Variants in LCOR observed in about 807,000 individuals in gnomAD.
LCOR encodes the protein ligand-dependent corepressor.
LCOR carries 14 observed loss-of-function variants against 64.4 expected under a neutral mutation model. That is an observed-to-expected ratio of 0.22 (90% CI 0.14 to 0.34). The LOEUF (loss-of-function observed/expected upper bound fraction) is 0.34, where lower values mean the gene tolerates loss of function less well. LCOR is among the 10% of genes least tolerant of loss of function. The pLI is 1.00. For synonymous variants in LCOR, 643 were observed against 642.5 expected, an observed-to-expected ratio of 1.00 and a Z score of -0.01; for missense variants, 1,686 against 1,765.3, an observed-to-expected ratio of 0.96 and a Z score of 0.80.
At chr10:96,940,303 A>ATTT (rs552752409) in intron 4 of LCOR, among the ~76,000 whole-genome samples, 222 of 65,434 alleles carry the variant, frequency 3.4e-3, no homozygotes, top group Non-Finnish European at 4.3e-3. Context: ...GGTGGTCATG[A>ATTT]TTTTTTTTTT....
intron 2 of LCOR, among the ~76,000 whole-genome samples, chr10:96,844,109 C>T (rs1449947407): frequency 2.2e-5 from 2 of 92,326 alleles, no homozygotes; most frequent in Non-Finnish European, 4.1e-5. Flanking sequence ...CCCTCCCTTC[C>T]TTCCCCCCTC....
At chr10:96,936,796 C>G (rs1847358002) in intron 4 of LCOR, among the ~76,000 whole-genome samples, 1 of 149,162 alleles carries the variant, frequency 6.7e-6, no homozygotes, top group Non-Finnish European at 1.5e-5. Context: ...AAGGGGGATG[C>G]CTGAAACTAC....
chr10:96,903,187 T>C (rs543414993), intron 2 of LCOR, among the ~76,000 whole-genome samples: 26 of 152,096 alleles, frequency 1.7e-4, no homozygotes, highest in Non-Finnish European at 3.4e-4. Flanking sequence ...GAGTAAGTGG[T>C]AAGGGAACAA....
intron 2 of LCOR, among the ~76,000 whole-genome samples, chr10:96,838,092 C>G (rs182508094): frequency 2.6e-5 from 4 of 152,244 alleles, no homozygotes; most frequent in Admixed American, 6.5e-5. Flanking sequence ...GGGTAAAAAT[C>G]CAATATAAAC....
intron 2 of LCOR, among the ~76,000 whole-genome samples, chr10:96,881,418 T>G (rs535329235): frequency 4.6e-5 from 7 of 152,178 alleles, no homozygotes; most frequent in African/African-American, 1.7e-4. Flanking sequence ...AGATATCAAG[T>G]CCTGGCTTTG....
chr10:96,899,033 G>T (rs1259195940), intron 2 of LCOR, among the ~76,000 whole-genome samples: 1 of 152,088 alleles, frequency 6.6e-6, no homozygotes, highest in Non-Finnish European at 1.5e-5. Context: ...GTGACTAACC[G>T]AGGTCTCTAT....
At chr10:96,934,325 G>A (rs777731181) in intron 4 of LCOR, among the ~76,000 whole-genome samples, 11 of 152,142 alleles carry the variant, frequency 7.2e-5, no homozygotes, top group Non-Finnish European at 1.6e-4. Context: ...TGTAACAAAT[G>A]CCTTAATTCT....
At chr10:96,859,018 A>G (rs1845846879) in intron 2 of LCOR, among the ~76,000 whole-genome samples, 1 of 152,174 alleles carries the variant, frequency 6.6e-6, no homozygotes, top group South Asian at 2.1e-4. Flanking sequence ...GACACTTTGT[A>G]TTGCAAATGA....
rs755335544 is a variant in LCOR at position 96,984,373 on chromosome 10, G to T, written c.3913G>T (p.Ala1305Ser). 6.2e-6 allele frequency: 10 copies of T among 1,614,168 alleles called. No individual in the cohort carries two copies. The highest frequency in any genetic ancestry group is 8.5e-6 in the Non-Finnish European group (10 of 1,180,046). ...SHPPANLPTP[A>S]STRILRKYSN... ...TCCTCCAGCAAACCTGCCCACTCCA[G>T]CCAGTACCCGGATTCTTAGAAAATA... The change falls in exon 8 of 8, where the codon GCC (alanine) becomes TCC (serine). Residue 1305 changes from alanine (A) to serine (S), a missense_variant. By Grantham distance (99) the Ala-to-Ser change is moderately conservative. Transcript: ENST00000421806.
intron 7 of LCOR, among the ~76,000 whole-genome samples, chr10:96,975,044 G>T (rs1201466519): frequency 6.6e-6 from 1 of 152,212 alleles, no homozygotes; most frequent in Non-Finnish European, 1.5e-5. Flanking sequence ...GGTGGCACAT[G>T]CCTGTAATCC....
chr10:96,958,022 A>ATC, intron 7 of LCOR: 1 of 1,007,804 alleles, frequency 9.9e-7, no homozygotes, highest in Non-Finnish European at 1.2e-6. Context: ...GAAATCATAG[A>ATC]AAGTTTGCTG....
chr10:96,966,755 G>T (rs1847954886), intron 7 of LCOR, among the ~76,000 whole-genome samples: 1 of 151,898 alleles, frequency 6.6e-6, no homozygotes, highest in Non-Finnish European at 1.5e-5. Context: ...TCCGTTGTTT[G>T]ACAGGATCTC....
intron 2 of LCOR, among the ~76,000 whole-genome samples, chr10:96,838,992 T>C (rs992298571): frequency 6.6e-6 from 1 of 152,250 alleles, no homozygotes; most frequent in African/African-American, 2.4e-5. Context: ...CTTGTTGTTA[T>C]CTGTTTTGAT....
At chr10:96,978,076 T>C (rs943838039) in intron 7 of LCOR, among the ~76,000 whole-genome samples, 1 of 152,220 alleles carries the variant, frequency 6.6e-6, no homozygotes, top group Non-Finnish European at 1.5e-5. Context: ...GTAACACATA[T>C]TGTGCTGTTG....
At chr10:96,903,422 T>C (rs537300955) in intron 2 of LCOR, among the ~76,000 whole-genome samples, 4 of 152,240 alleles carry the variant, frequency 2.6e-5, no homozygotes, top group African/African-American at 7.2e-5. Flanking sequence ...GATTGTACTT[T>C]ATTGAAGACT....
intron 2 of LCOR, among the ~76,000 whole-genome samples, chr10:96,853,385 A>G (rs531575557): frequency 8.5e-5 from 13 of 152,328 alleles, no homozygotes; most frequent in African/African-American, 2.9e-4. Context: ...AAGAATAAAA[A>G]TTATTTTCTT....
intron 2 of LCOR, among the ~76,000 whole-genome samples, chr10:96,898,740 G>T: frequency 6.6e-6 from 1 of 152,120 alleles, no homozygotes; most frequent in East Asian, 1.9e-4. Flanking sequence ...TACACATTCT[G>T]GGTAGTAATA....
chr10:96,887,578 A>G (rs2134427465), intron 2 of LCOR, among the ~76,000 whole-genome samples: 1 of 151,828 alleles, frequency 6.6e-6, no homozygotes, highest in South Asian at 2.1e-4. Context: ...AAAAAAAAAT[A>G]CTACTTAATC....
chr10:96,981,143 C>T lies in LCOR; in HGVS notation c.683C>T (p.Pro228Leu). Residue 228 changes from proline to leucine, a missense_variant, in exon 8 of 8, where the codon CCT becomes CTT. Pro to Leu is a moderately conservative substitution (Grantham distance 98). Coordinates refer to ENST00000421806, the MANE Select transcript of LCOR (RefSeq NM_001346516.2). ...GAACAGACCCCGAAGAAGCCTCCTCCTGAGATAAACCCTGTAGATGGAAGA... is the reference window on the plus strand; with the variant it reads ...GAACAGACCCCGAAGAAGCCTCCTCTTGAGATAAACCCTGTAGATGGAAGA... Reference protein sequence around the residue: ...LTEQTPKKPPPEINPVDGREN... With the variant: ...LTEQTPKKPPLEINPVDGREN... 1.4e-6 allele frequency: 1 copy of T among 707,890 alleles called. No homozygotes were observed. The highest frequency in any genetic ancestry group is 2.7e-5 in the East Asian group (1 of 37,312). 43.9% of individuals were successfully genotyped at this position (707,890 alleles called of 1,614,324 possible).
Sources: allele counts gnomAD v4.1 joint callset (sites outside exome capture counted in the v4.1 genomes callset), GRCh38; gene constraint gnomAD v4.1.1; transcripts MANE v1.5; gene names NCBI Gene and HGNC (gene_info 2026-07-23, HGNC 2026-07-21).